The following FAT3 variants were observed in gnomAD, a reference collection of about 807,000 sequenced individuals.
FAT3 encodes protocadherin Fat 3.
In FAT3, 95 loss-of-function variants were observed where a neutral mutation model predicts 310.2. That is an observed-to-expected ratio of 0.31 (90% CI 0.26 to 0.36). The LOEUF is 0.36. FAT3 is among the 10% of genes least tolerant of loss of function. FAT3 has a pLI of 1.00. For synonymous variants in FAT3, 2,314 were observed against 2,192.9 expected, an observed-to-expected ratio of 1.06 and a Z score of -1.54; for missense variants, 5,408 against 5,715.6, an observed-to-expected ratio of 0.95 and a Z score of 1.74.
chr11:92,354,700 A>T lies in FAT3; in HGVS notation c.2588A>T (p.Asn863Ile), dbSNP rs749056906. ...GCCAGAGACAAAGACTTAGGTTCTA[A>T]TGGTGAAGTGACTTACTCAGTCTTG... ...VEARDKDLGS[N>I]GEVTYSVLTD... The change falls in exon 2 of 28, where the codon AAT (asparagine) becomes ATT (isoleucine). Residue 863 changes from asparagine to isoleucine, a missense_variant. This residue lies in a region of FAT3 where 4,588 missense variants were observed against 4,809.8 expected (regional missense o/e 0.95). Coordinates refer to ENST00000525166, the MANE Select transcript of FAT3 (RefSeq NM_001367949.2). The T allele has an allele frequency of 7.4e-6, 12 of 1,613,792 alleles. No homozygotes were observed. The highest frequency in any genetic ancestry group is 1.0e-5 in the Non-Finnish European group (12 of 1,179,886).
In FAT3 at chr11:92,665,461, A is replaced by C. The variant is rs1263093582; in HGVS notation, c.3608-31923A>C. Among the ~76,000 whole-genome samples, 4 of 152,234 alleles carry C rather than the reference A, an allele frequency of 2.6e-5. No individual in the cohort carries two copies. In the East Asian group the frequency reaches 7.7e-4, roughly 29 times the overall value. ...AAAAGAGAGAAGAAACAAAATATTC[A>C]AAATAGGAAAGACTAGTAATAGCAA... is the stretch of plus-strand genomic sequence containing the variant. On this transcript the variant is annotated intron_variant, in intron 3 of 27. Transcript: ENST00000525166.
At chr11:92,647,383 A>G (rs1253584952) in intron 3 of FAT3, among the ~76,000 whole-genome samples, 1 of 152,216 alleles carries the variant, frequency 6.6e-6, no homozygotes, top group African/African-American at 2.4e-5. Flanking sequence ...TAATTGCTCA[A>G]AATAAGATGA....
At chr11:92,576,151 G>A (rs489775) in intron 3 of FAT3, among the ~76,000 whole-genome samples, 112,761 of 152,016 alleles carry the variant, frequency 0.74, 44,089 homozygotes, top group Non-Finnish European at 0.88. Flanking sequence ...AGGACTTCAG[G>A]TCCATAAAGG....
At chr11:92,313,774 G>A (rs1014742708) in intron 1 of FAT3, among the ~76,000 whole-genome samples, 2 of 152,150 alleles carry the variant, frequency 1.3e-5, no homozygotes, top group East Asian at 1.9e-4. Context: ...TGGTCAGGCC[G>A]GTCTTGAACT....
chr11:92,751,966 A>G (rs981944384), intron 4 of FAT3, among the ~76,000 whole-genome samples: 13 of 152,026 alleles, frequency 8.6e-5, no homozygotes, highest in Non-Finnish European at 1.8e-4. Flanking sequence ...AAAAGTGACA[A>G]TCGTAGGTAA....
intron 13 of FAT3, among the ~76,000 whole-genome samples, chr11:92,817,314 G>A (rs562117146): frequency 1.8e-4 from 27 of 152,304 alleles, no homozygotes; most frequent in Middle Eastern, 3.4e-3. Context: ...GTCCCAATCA[G>A]TAAATTGCAT....
intron 9 of FAT3, among the ~76,000 whole-genome samples, chr11:92,795,581 A>C (rs548612879): frequency 1.7e-3 from 251 of 152,050 alleles, no homozygotes; most frequent in Non-Finnish European, 2.9e-3. Context: ...AGCGTGTCAC[A>C]AGCAGATCAG....
rs1179613310 is a variant in FAT3 at position 92,878,664 on chromosome 11, AAAAG to A, written c.12128-2066_12128-2063del. The stretch of plus-strand genomic sequence containing the variant: ...AAAAAAAAAAAAAAAAAAAAAAAAA[AAAAG>A]CTCCGCACAAAAAAAGTTCTTGGAA... On this transcript the variant is annotated intron_variant, in intron 22 of 27. Transcript: ENST00000525166. Among the ~76,000 whole-genome samples, 275 of 70,838 alleles carry A rather than the reference AAAAG, an allele frequency of 3.9e-3. 35 individuals are homozygous for A. The highest frequency in any genetic ancestry group is 6.2e-3 in the African/African-American group (57 of 9,190). 46.5% of individuals were successfully genotyped at this position (70,838 alleles called of 152,430 possible).
intron 7 of FAT3, among the ~76,000 whole-genome samples, chr11:92,780,252 C>G (rs10830945): frequency 0.43 from 63,727 of 149,730 alleles, 15,090 homozygotes; most frequent in South Asian, 0.64. Context: ...GCCTGGACTT[C>G]CTGGGCTCAA....
intron 4 of FAT3, among the ~76,000 whole-genome samples, chr11:92,759,336 G>A (rs1221330991): frequency 6.6e-6 from 1 of 152,196 alleles, no homozygotes; most frequent in African/African-American, 2.4e-5. Flanking sequence ...GTCTGTCTTT[G>A]CCCTTATGCA....
Position 92,292,949 on chromosome 11 carries a change from G to T in FAT3, c.-17-59147G>T, listed in dbSNP as rs546754070. Among the ~76,000 whole-genome samples the T allele has an allele frequency of 2.8e-3, 419 of 151,732 alleles. 4 individuals are homozygous for T. The highest frequency in any genetic ancestry group is 4.4e-3 in the Non-Finnish European group (301 of 67,868). On this transcript the variant is annotated intron_variant, in intron 1 of 27. Transcript: ENST00000525166. ...GATTGCTTGAGCCTAGGAGTTGGAG[G>T]GTGTAGTGGACAATGATTGCACTTG... is the stretch of plus-strand genomic sequence containing the variant.
intron 4 of FAT3, among the ~76,000 whole-genome samples, chr11:92,736,662 G>C (rs1305769294): frequency 6.6e-6 from 1 of 152,086 alleles, no homozygotes; most frequent in African/African-American, 2.4e-5. Context: ...AAGTTCTCAG[G>C]CTTCATTTAG....
intron 1 of FAT3, among the ~76,000 whole-genome samples, chr11:92,338,010 A>G (rs533734165): frequency 1.9e-4 from 29 of 152,326 alleles, no homozygotes; most frequent in African/African-American, 6.3e-4. Context: ...AAACACAACA[A>G]TAGAAATCTA....
At chr11:92,556,349 C>T (rs1173781613) in intron 3 of FAT3, among the ~76,000 whole-genome samples, 4 of 152,182 alleles carry the variant, frequency 2.6e-5, no homozygotes, top group Admixed American at 2.0e-4. Context: ...TCCTCTCTGT[C>T]CTTGCCCTCA....
At chr11:92,441,461 A>C (rs1408532084) in intron 2 of FAT3, among the ~76,000 whole-genome samples, 1 of 152,342 alleles carries the variant, frequency 6.6e-6, no homozygotes, top group Non-Finnish European at 1.5e-5. Context: ...AATACTTCTT[A>C]TAGCATTTTA....
chr11:92,751,939 C>T (rs950183798), intron 4 of FAT3, among the ~76,000 whole-genome samples: 1 of 152,070 alleles, frequency 6.6e-6, no homozygotes, highest in African/African-American at 2.4e-5. Context: ...ATGGCAATGC[C>T]TACAGGATTC....
chr11:92,887,143 G>A, intron 25 of FAT3, 30 bp downstream of exon 25: 1 of 1,566,102 alleles, frequency 6.4e-7, no homozygotes, highest in Non-Finnish European at 8.7e-7. Flanking sequence ...GTTCGGAGCG[G>A]GTGGGTTCTG....
At chr11:92,819,929 G>A (rs1247659052) in intron 13 of FAT3, among the ~76,000 whole-genome samples, 1 of 152,140 alleles carries the variant, frequency 6.6e-6, no homozygotes, top group Non-Finnish European at 1.5e-5. Flanking sequence ...CCTCCGTTAT[G>A]GTAGCAGCCT....
At chr11:92,315,983 A>C (rs1947451617) in intron 1 of FAT3, among the ~76,000 whole-genome samples, 1 of 152,158 alleles carries the variant, frequency 6.6e-6, no homozygotes, top group Admixed American at 6.6e-5. Flanking sequence ...ATTGATCTCA[A>C]GTGAAATGCT....
Sources: allele counts gnomAD v4.1 joint callset (sites outside exome capture counted in the v4.1 genomes callset), GRCh38; gene constraint gnomAD v4.1.1; regional missense constraint gnomAD v4.1.1; transcripts MANE v1.5; gene names NCBI Gene and HGNC (gene_info 2026-07-23, HGNC 2026-07-21).